The following CLU variants were observed in gnomAD, a reference collection of about 807,000 sequenced individuals.
The protein encoded by CLU is aging-associated protein 4.
In CLU, 25 loss-of-function variants were observed where a neutral mutation model predicts 46.4. The observed-to-expected ratio is 0.54, with a 90% confidence interval of 0.39 to 0.75. The LOEUF (loss-of-function observed/expected upper bound fraction) is 0.75, where lower values mean the gene tolerates loss of function less well. CLU is among the 30% of genes least tolerant of loss of function. CLU has a pLI of 0.00. For synonymous variants in CLU, 235 were observed against 235.1 expected, an observed-to-expected ratio of 1.00 and a Z score of 0.00; for missense variants, 504 against 592.1, an observed-to-expected ratio of 0.85 and a Z score of 1.54.
intron 7 of CLU, 187 bp from the exon 8 acceptor site, chr8:27,598,822 A>G (rs1466397032): frequency 6.4e-6 from 4 of 626,270 alleles, no homozygotes; most frequent in Non-Finnish European, 1.1e-5. Flanking sequence ...GACCTGGTTC[A>G]CAGACACTCA....
Position 27,597,520 on chromosome 8 carries a change from CA to C in CLU, c.*720del, listed in dbSNP as rs1800625171. On this transcript the variant is annotated 3_prime_UTR_variant, in exon 9 of 9. Coordinates refer to ENST00000316403, the MANE Select transcript of CLU (RefSeq NM_001831.4). ...ACAGCTTTTACAAATAAAACCGCTG[CA>C]AAAGCAATAGCTCTTACAAATAAAA... The C allele has an allele frequency of 2.2e-6, 1 of 454,182 alleles. No individual in the cohort carries two copies. Among genetic ancestry groups the C allele is most frequent in the East Asian group, 6.9e-5 (1 of 14,400 alleles). 28.1% of individuals were successfully genotyped at this position (454,182 alleles called of 1,614,324 possible).
Position 27,598,598 on chromosome 8 carries a change from C to G in CLU, c.1202G>C (p.Gly401Ala). Reference protein sequence around the residue: ...SHTSDSDVPSGVTEVVVKLFD... With the variant: ...SHTSDSDVPSAVTEVVVKLFD... ...GAGCTTCACGACCACCTCAGTGACACCGGAAGGAACGTCCGAGTCAGAAGT... is the reference window on the plus strand; with the variant it reads ...GAGCTTCACGACCACCTCAGTGACAGCGGAAGGAACGTCCGAGTCAGAAGT... Residue 401 changes from glycine to alanine, a missense_variant, in exon 8 of 9, where the codon GGT becomes GCT. This residue lies in a region of CLU where 428 missense variants were observed against 484.0 expected (regional missense o/e 0.88). Coordinates refer to ENST00000316403, the MANE Select transcript of CLU (RefSeq NM_001831.4). 6.2e-7 allele frequency: 1 copy of G among 1,614,162 alleles called. No individual in the cohort carries two copies. The highest frequency in any genetic ancestry group is 8.5e-7 in the Non-Finnish European group (1 of 1,180,046).
chr8:27,601,442 C>T (rs906648436), intron 6 of CLU, among the ~76,000 whole-genome samples: 4 of 152,336 alleles, frequency 2.6e-5, no homozygotes, highest in Admixed American at 1.3e-4. Flanking sequence ...GCCAGGGGTC[C>T]TTGCCTGCCC....
At chr8:27,598,829 C>T (rs530023809) in intron 7 of CLU, 194 bp from the exon 8 acceptor site, 35 of 615,822 alleles carry the variant, frequency 5.7e-5, no homozygotes, top group African/African-American at 4.6e-4. Flanking sequence ...TTCACAGACA[C>T]TCATGTGTTG....
chr8:27,608,816 C>T, intron 3 of CLU, 122 bp downstream of exon 3: 1 of 1,016,810 alleles, frequency 9.8e-7, no homozygotes, highest in Non-Finnish European at 1.6e-6. Flanking sequence ...TCAGCATCAG[C>T]TGACACAGCC....
chr8:27,599,627 C>T lies in CLU; in HGVS notation c.1164+153G>A, dbSNP rs1370057915. The T allele has an allele frequency of 1.5e-6, 1 of 651,750 alleles. No individual in the cohort carries two copies. Among genetic ancestry groups the T allele is most frequent in the Non-Finnish European group, 2.7e-6 (1 of 365,186 alleles). The allele number at this position is 651,750 out of a possible 1,614,324, so 40.4% of individuals were successfully genotyped here. A position where few individuals can be genotyped will look rare whatever the true frequency, so the allele number is the denominator to read the frequency against. ...TTTGTAAAGCAGGGTTATATTTTCC[C>T]TGAGTGGGTGATGAGGCTTCAAGGC... is the stretch of plus-strand genomic sequence containing the variant. On this transcript the variant is annotated intron_variant, in intron 7 of 8. Coordinates refer to ENST00000316403, the MANE Select transcript of CLU (RefSeq NM_001831.4). The surrounding 1 kb of genome is among the most constrained non-coding windows in gnomAD (Gnocchi z 4.0).
Position 27,605,056 on chromosome 8 carries a change from A to C in CLU, c.697T>G (p.Ser233Ala). 1 of 1,614,010 alleles carries C rather than the reference A, an allele frequency of 6.2e-7. No homozygotes were observed. Among genetic ancestry groups the C allele is most frequent in the Non-Finnish European group, 8.5e-7 (1 of 1,180,022 alleles). The stretch of plus-strand genomic sequence containing the variant: ...TGGAAGTTCAGGGGCTCGTACGGAG[A>C]GAAGGGCATCAAGCTGCGGACGATG... The part of the protein sequence containing the change: ...SRIVRSLMPF[S>A]PYEPLNFHAM... The change falls in exon 5 of 9, where the codon TCT becomes GCT. Residue 233 changes from serine to alanine, a missense_variant. Ser to Ala is a moderately conservative substitution (Grantham distance 99). Transcript: ENST00000316403.
chr8:27,598,777 C>A (rs1800663384), intron 7 of CLU, 142 bp from the exon 8 acceptor site: 2 of 768,170 alleles, frequency 2.6e-6, no homozygotes, highest in Admixed American at 2.0e-5. Context: ...GCTTCTTATA[C>A]ATCTAGACGT....
intron 6 of CLU, among the ~76,000 whole-genome samples, chr8:27,602,648 C>G (rs572476068): frequency 6.6e-6 from 1 of 151,806 alleles, no homozygotes; most frequent in East Asian, 1.9e-4. Flanking sequence ...AAATCCTCAT[C>G]TAGAGTTCCC....
At position 27,599,552 on chromosome 8, in the gene CLU, G is replaced by A; in HGVS notation, c.1164+228C>T. On this transcript the variant is annotated intron_variant, in intron 7 of 8. Transcript: ENST00000316403. The surrounding 1 kb of genome is among the most constrained non-coding windows in gnomAD (Gnocchi z 4.0). The stretch of plus-strand genomic sequence containing the variant: ...GTTCAAATACCCGTCCAAGTCATCT[G>A]TCAGCTATCACACCTTGGCCAAGCT... The A allele has an allele frequency of 1.8e-6, 1 of 552,698 alleles. No homozygotes were observed. Among genetic ancestry groups the A allele is most frequent in the Non-Finnish European group, 3.3e-6 (1 of 307,604 alleles). 34.2% of individuals were successfully genotyped at this position (552,698 alleles called of 1,614,324 possible). A position where few individuals can be genotyped will look rare whatever the true frequency, so the allele number is the denominator to read the frequency against.
chr8:27,609,077 T>C lies in CLU; in HGVS notation c.107A>G (p.Asn36Ser), dbSNP rs1453425479. 6.2e-7 allele frequency: 1 copy of C among 1,613,912 alleles called. No homozygotes were observed. ...VSDNELQEMS[N>S]QGSKYVNKEI... ...CTTATTGACGTACTTACTTCCCTGA[T>C]TGGACATTTCTGCAAGAGAAGTGCA... The change falls in exon 3 of 9, where the codon AAT (asparagine) becomes AGT (serine). Residue 36 changes from asparagine to serine, a missense_variant. Transcript: ENST00000316403.
intron 7 of CLU, 54 bp from the exon 8 acceptor site, chr8:27,598,689 G>T: frequency 6.4e-7 from 1 of 1,557,712 alleles, no homozygotes; most frequent in Non-Finnish European, 8.8e-7. Flanking sequence ...CAAAATGCAT[G>T]CGCTCTGCAA....
intron 3 of CLU, 154 bp downstream of exon 3, chr8:27,608,784 T>C: frequency 2.5e-6 from 2 of 808,710 alleles, no homozygotes; most frequent in East Asian, 4.9e-5. Context: ...AAATGAACCT[T>C]CCCTGCTTCT....
intron 1 of CLU, among the ~76,000 whole-genome samples, chr8:27,613,104 T>C (rs1387826780): frequency 1.3e-5 from 2 of 152,040 alleles, no homozygotes; most frequent in African/African-American, 4.8e-5. Context: ...ATCAATGACC[T>C]GGCAGGGCGC....
intron 6 of CLU, 172 bp downstream of exon 6, chr8:27,604,119 A>G (rs1800769974): frequency 1.6e-6 from 1 of 640,290 alleles, no homozygotes. Flanking sequence ...AAGATGAGGA[A>G]CCGAAGCTGC....
In CLU at chr8:27,599,804, G is replaced by C. The variant is rs775954696; in HGVS notation, c.1140C>G (p.Asp380Glu). The C allele has an allele frequency of 9.9e-6, 16 of 1,612,578 alleles. No homozygotes were observed. Among genetic ancestry groups the C allele is most frequent in the Non-Finnish European group, 1.4e-5 (16 of 1,179,300 alleles). ...CCGTGGTGACCCGCAGATAGTACTG[G>C]TCTTCGCCTTGCGTGAGGTTTGCCA... Reference protein sequence around the residue: ...SRLANLTQGEDQYYLRVTTVA... With the variant: ...SRLANLTQGEEQYYLRVTTVA... Residue 380 changes from aspartate (D) to glutamate (E), a missense_variant, in exon 7 of 9, where the codon GAC becomes GAG. Coordinates refer to ENST00000316403, the MANE Select transcript of CLU (RefSeq NM_001831.4). The surrounding 1 kb of genome is among the most constrained non-coding windows in gnomAD (Gnocchi z 4.0).
intron 4 of CLU, 126 bp downstream of exon 4, chr8:27,606,228 C>A: frequency 9.6e-7 from 1 of 1,040,894 alleles, no homozygotes; most frequent in Non-Finnish European, 1.4e-6. Context: ...ACCAATGGAG[C>A]ATGGCACTCT....
At chr8:27,610,415 AC>A in intron 2 of CLU, 59 bp downstream of exon 2, 1 of 1,360,630 alleles carries the variant, frequency 7.3e-7, no homozygotes, top group Admixed American at 1.7e-5. Flanking sequence ...AGAATTAGCT[AC>A]CCTGCCCTCT....
At chr8:27,601,595 C>A (rs182428533) in intron 6 of CLU, among the ~76,000 whole-genome samples, 3 of 152,280 alleles carry the variant, frequency 2.0e-5, no homozygotes, top group Admixed American at 2.0e-4. Flanking sequence ...CTGTTTTTCT[C>A]CCCCTAAGGT....
Sources: gnomAD v4.1 joint callset for allele counts (sites outside exome capture counted in the v4.1 genomes callset) on GRCh38, gnomAD v4.1.1 for gene constraint, gnomAD v4.1.1 regional missense constraint, Gnocchi (gnomAD v3.1) non-coding constraint, MANE v1.5 for transcripts, NCBI Gene and HGNC (gene_info 2026-07-23, HGNC 2026-07-21) for gene names.